Variants in LARP1B observed in about 807,000 individuals in gnomAD.
The protein encoded by LARP1B is la-related protein 1B.
In LARP1B, 76 loss-of-function variants were observed where a neutral mutation model predicts 114.2. The ratio of observed to expected loss-of-function variants is 0.67; its 90% CI spans 0.55 to 0.81. LARP1B has a LOEUF of 0.81. Among genes scored for constraint, LARP1B ranks in the 30% least tolerant of loss-of-function variants. The pLI is 0.00. For missense variants in LARP1B, 1,014 were observed against 1,075.8 expected (o/e 0.94, Z 0.80); for synonymous variants, 345 against 348.0 (o/e 0.99, Z 0.10).
In LARP1B at chr4:128,207,327, C is replaced by A; in HGVS notation, c.2491C>A (p.Pro831Thr). 1 of 1,559,660 alleles carries A rather than the reference C, an allele frequency of 6.4e-7. No individual in the cohort carries two copies. The highest frequency in any genetic ancestry group is 8.7e-7 in the Non-Finnish European group (1 of 1,152,316). Reference sequence around the variant, plus strand: ...TCAATCTAAGACACAGTCTATTGACCCAAAACTTCAGGAATACCTCTGTAG... The same window carrying A: ...TCAATCTAAGACACAGTCTATTGACACAAAACTTCAGGAATACCTCTGTAG... ...YSQSKTQSID[P>T]KLQEYLCSFK... Residue 831 changes from proline to threonine, a missense_variant, in exon 19 of 20, where the codon CCA becomes ACA. Pro to Thr is a conservative substitution (Grantham distance 38). Transcript: ENST00000326639.
chr4:128,160,577 TAAAC>T (rs1468882062), intron 11 of LARP1B, among the ~76,000 whole-genome samples: 8 of 152,086 alleles, frequency 5.3e-5, no homozygotes, highest in South Asian at 2.1e-4. Context: ...AAAATAAAAA[TAAAC>T]AAAAACATAC....
chr4:128,085,700 G>A (rs1377958510), intron 5 of LARP1B, among the ~76,000 whole-genome samples: 1 of 152,140 alleles, frequency 6.6e-6, no homozygotes, highest in Non-Finnish European at 1.5e-5. Context: ...ATATTCTGTT[G>A]AATGCATATA....
intron 12 of LARP1B, among the ~76,000 whole-genome samples, chr4:128,168,766 TTG>T (rs992682116): frequency 1.3e-5 from 2 of 151,776 alleles, no homozygotes; most frequent in African/African-American, 4.9e-5. Context: ...ATGAGGAATA[TTG>T]TTTTTTTTTT....
At chr4:128,176,084 C>CT (rs1318061856) in intron 12 of LARP1B, among the ~76,000 whole-genome samples, 1 of 146,192 alleles carries the variant, frequency 6.8e-6, no homozygotes, top group African/African-American at 2.5e-5. Flanking sequence ...GTCTCTGTCT[C>CT]TCTCTCTCGA....
At chr4:128,178,848 T>G (rs1747351555) in intron 14 of LARP1B, among the ~76,000 whole-genome samples, 1 of 152,176 alleles carries the variant, frequency 6.6e-6, no homozygotes, top group South Asian at 2.1e-4. Flanking sequence ...AATCCAACAC[T>G]TTGGGAGACC....
chr4:128,131,118 T>G (rs1390059916), intron 11 of LARP1B, among the ~76,000 whole-genome samples: 1 of 152,202 alleles, frequency 6.6e-6, no homozygotes, highest in Non-Finnish European at 1.5e-5. Context: ...CATTGTACAC[T>G]TCTCAAAACC....
intron 11 of LARP1B, among the ~76,000 whole-genome samples, chr4:128,154,409 C>T: frequency 6.6e-6 from 1 of 152,092 alleles, no homozygotes; most frequent in East Asian, 1.9e-4. Flanking sequence ...TTTCTTAATT[C>T]TATTCAGTGG....
At chr4:128,175,568 A>G (rs190631172) in intron 12 of LARP1B, among the ~76,000 whole-genome samples, 13 of 152,228 alleles carry the variant, frequency 8.5e-5, no homozygotes, top group Admixed American at 5.2e-4. Context: ...CTGAAATTCA[A>G]CCTTTACAGA....
chr4:128,106,037 T>G (rs1781957743), intron 8 of LARP1B, among the ~76,000 whole-genome samples: 1 of 152,120 alleles, frequency 6.6e-6, no homozygotes. Flanking sequence ...GTTCTTTTTT[T>G]TTTTTGAGAT....
At chr4:128,144,017 A>G (rs1369599780) in intron 11 of LARP1B, among the ~76,000 whole-genome samples, 1 of 152,098 alleles carries the variant, frequency 6.6e-6, no homozygotes. Context: ...AACATTTCGA[A>G]CTAGGTGATT....
intron 11 of LARP1B, among the ~76,000 whole-genome samples, chr4:128,130,643 T>G (rs923512930): frequency 6.6e-6 from 1 of 152,236 alleles, no homozygotes; most frequent in Non-Finnish European, 1.5e-5. Flanking sequence ...CGTATAAAAC[T>G]GAACTAAACT....
intron 5 of LARP1B, among the ~76,000 whole-genome samples, chr4:128,088,596 G>T (rs902973108): frequency 6.6e-6 from 1 of 152,096 alleles, no homozygotes; most frequent in Non-Finnish European, 1.5e-5. Flanking sequence ...CAGCACACAA[G>T]TACAAGAGGC....
intron 12 of LARP1B, among the ~76,000 whole-genome samples, chr4:128,167,390 C>A (rs989623785): frequency 4.6e-5 from 7 of 151,884 alleles, no homozygotes; most frequent in African/African-American, 1.5e-4. Flanking sequence ...CTAATCAGGT[C>A]TTTTGCCCAT....
Position 128,162,304 on chromosome 4 carries a change from A to T in LARP1B, c.1635A>T (p.Ser545=). Residue 545 remains serine (S), a synonymous_variant, in exon 12 of 20, where the codon TCA becomes TCT. Coordinates refer to ENST00000326639, the MANE Select transcript of LARP1B (RefSeq NM_018078.4). Reference sequence around the variant, plus strand: ...ACCAAGAAGTTCCTGTAGCACCTTCACAGTCCAGGCAAGGTATGTAAATCT... The same window carrying T: ...ACCAAGAAGTTCCTGTAGCACCTTCTCAGTCCAGGCAAGGTATGTAAATCT... ...EPNQEVPVAP[S]QSRQGGVQGV... is the part of the protein sequence containing the mutation. 1 of 1,613,160 alleles carries T rather than the reference A, an allele frequency of 6.2e-7. No homozygotes were observed.
At chr4:128,200,447 T>G (rs1755596025) in intron 16 of LARP1B, 74 bp from the exon 17 acceptor site, 1 of 979,756 alleles carries the variant, frequency 1.0e-6, no homozygotes, top group African/African-American at 1.7e-5. Context: ...TTTCTTCATT[T>G]TATATATAAC....
chr4:128,143,101 A>T (rs922184385), intron 11 of LARP1B, among the ~76,000 whole-genome samples: 1 of 151,980 alleles, frequency 6.6e-6, no homozygotes, highest in Admixed American at 6.6e-5. Context: ...CCTGGCCAAC[A>T]TGGTGAAACC....
At chr4:128,173,916 T>A (rs1016894379) in intron 12 of LARP1B, among the ~76,000 whole-genome samples, 6 of 152,204 alleles carry the variant, frequency 3.9e-5, no homozygotes, top group Non-Finnish European at 5.9e-5. Context: ...ACATTTGCAG[T>A]CAATGCCAAC....
chr4:128,183,276 G>A (rs1487532098), intron 15 of LARP1B, among the ~76,000 whole-genome samples: 1 of 152,222 alleles, frequency 6.6e-6, no homozygotes, highest in African/African-American at 2.4e-5. Flanking sequence ...AGCAGTCAAT[G>A]TTTGGCTTCA....
intron 11 of LARP1B, among the ~76,000 whole-genome samples, chr4:128,157,448 A>G (rs1209488032): frequency 6.6e-6 from 1 of 152,208 alleles, no homozygotes. Context: ...TGAAGAGATT[A>G]TGGGTAAGAA....
Sources: allele counts gnomAD v4.1 joint callset (sites outside exome capture counted in the v4.1 genomes callset), GRCh38; gene constraint gnomAD v4.1.1; transcripts MANE v1.5; gene names NCBI Gene and HGNC (gene_info 2026-07-23, HGNC 2026-07-21).